MEF2C: variants seen among roughly 807,000 people sequenced by gnomAD.
The protein encoded by MEF2C is myocyte enhancer factor 2C, also known as myocyte-specific enhancer factor 2C.
Under a neutral mutation model 50.5 loss-of-function variants are expected in MEF2C, and 6 were observed. The observed-to-expected ratio is 0.12, with a 90% CI of 0.07 to 0.23. MEF2C has a LOEUF of 0.23. Among genes scored for constraint, MEF2C ranks in the 10% least tolerant of loss-of-function variants. MEF2C has a pLI of 1.00. For synonymous variants in MEF2C, 183 were observed against 228.0 expected, an observed-to-expected ratio of 0.80 and a Z score of 1.78; for missense variants, 276 against 605.0, an observed-to-expected ratio of 0.46 and a Z score of 5.70.
chr5:88,885,368 C>G (rs183850626), upstream of MEF2C, among the ~76,000 whole-genome samples: 58 of 152,332 alleles, frequency 3.8e-4, no homozygotes, highest in East Asian at 7.5e-3. Flanking sequence ...TCTTCAAGTT[C>G]CAGCTCATCA....
intron 1 of MEF2C, among the ~76,000 whole-genome samples, chr5:88,834,831 T>C (rs1226349836): frequency 6.6e-6 from 1 of 152,142 alleles, no homozygotes; most frequent in Non-Finnish European, 1.5e-5. Context: ...AGTAACAACA[T>C]ACACATTCTA....
intron 3 of MEF2C, among the ~76,000 whole-genome samples, chr5:88,790,141 G>A (rs1326981750): frequency 6.6e-6 from 1 of 152,134 alleles, no homozygotes; most frequent in Non-Finnish European, 1.5e-5. Context: ...GGGTAGTGAT[G>A]TGCCTTTTAT....
At chr5:88,745,770 G>A (rs1485421015) in intron 6 of MEF2C, among the ~76,000 whole-genome samples, 3 of 152,212 alleles carry the variant, frequency 2.0e-5, no homozygotes, top group Non-Finnish European at 4.4e-5. Flanking sequence ...AGCCTAGATC[G>A]TGCCACTGCA....
At chr5:88,887,009 A>G (rs1834103449), upstream of MEF2C, among the ~76,000 whole-genome samples, 2 of 152,198 alleles carry the variant, frequency 1.3e-5, no homozygotes, top group African/African-American at 4.8e-5. Context: ...GTGAGCTTTA[A>G]AAATTATTTT....
chr5:88,788,131 C>T (rs941105335), intron 3 of MEF2C, among the ~76,000 whole-genome samples: 1 of 152,050 alleles, frequency 6.6e-6, no homozygotes, highest in Non-Finnish European at 1.5e-5. Context: ...GTTTACATAT[C>T]CTTTATTGGG....
At chr5:88,886,988 T>C (rs1235107448), upstream of MEF2C, among the ~76,000 whole-genome samples, 2 of 152,226 alleles carry the variant, frequency 1.3e-5, no homozygotes, top group African/African-American at 4.8e-5. Context: ...ACGCTGGGTG[T>C]AGCTCTTGAA....
At chr5:88,757,175 G>A (rs1775745471) in intron 4 of MEF2C, among the ~76,000 whole-genome samples, 1 of 152,058 alleles carries the variant, frequency 6.6e-6, no homozygotes, top group African/African-American at 2.4e-5. Context: ...TTACTGTAGT[G>A]AGTCATAATC....
At chr5:88,886,085 A>G (rs936319057), upstream of MEF2C, among the ~76,000 whole-genome samples, 3 of 152,214 alleles carry the variant, frequency 2.0e-5, no homozygotes, top group Admixed American at 2.0e-4. Context: ...GCCTTTTAAA[A>G]TACAGGATTT....
chr5:88,853,408 A>G (rs1373567270), intron 1 of MEF2C, among the ~76,000 whole-genome samples: 1 of 152,208 alleles, frequency 6.6e-6, no homozygotes, highest in African/African-American at 2.4e-5. Flanking sequence ...TTAAGAAGAA[A>G]CGTTCTGTTA....
intron 3 of MEF2C, among the ~76,000 whole-genome samples, chr5:88,781,328 A>G (rs1787904502): frequency 6.6e-6 from 1 of 152,246 alleles, no homozygotes; most frequent in Admixed American, 6.5e-5. Context: ...GAACAGCAGG[A>G]AAATAAATAC....
chr5:88,867,226 T>G (rs545873719), intron 1 of MEF2C, among the ~76,000 whole-genome samples: 1 of 152,318 alleles, frequency 6.6e-6, no homozygotes, highest in African/African-American at 2.4e-5. Flanking sequence ...TTAGTTATAT[T>G]GTCATTCCAA....
chr5:88,762,751 T>C (rs1393460962), intron 3 of MEF2C, among the ~76,000 whole-genome samples: 2 of 152,176 alleles, frequency 1.3e-5, no homozygotes, highest in Non-Finnish European at 2.9e-5. Context: ...AGATCCGTTA[T>C]AAAGAGATGC....
chr5:88,899,160 A>C (rs555467896), intron 1 of MEF2C, among the ~76,000 whole-genome samples: 12 of 152,144 alleles, frequency 7.9e-5, no homozygotes, highest in Non-Finnish European at 1.8e-4. Flanking sequence ...GACTTTTTGT[A>C]TTATGTTACT....
intron 1 of MEF2C, among the ~76,000 whole-genome samples, chr5:88,851,048 C>T (rs552839404): frequency 1.3e-5 from 2 of 151,904 alleles, no homozygotes; most frequent in African/African-American, 2.4e-5. Flanking sequence ...TCCTGTCCAA[C>T]GTGGTGAAAC....
chr5:88,765,997 G>C (rs1372969124), intron 3 of MEF2C, among the ~76,000 whole-genome samples: 1 of 152,186 alleles, frequency 6.6e-6, no homozygotes, highest in African/African-American at 2.4e-5. Flanking sequence ...TGTGAGCTGA[G>C]AACAGCCGTT....
intron 6 of MEF2C, chr5:88,748,846 T>C (rs1771230851): frequency 1.0e-6 from 1 of 985,402 alleles, no homozygotes; most frequent in Non-Finnish European, 1.2e-6. Context: ...TGCTGACCAG[T>C]TGAAGCTTTA....
intron 6 of MEF2C, chr5:88,737,197 C>G (rs895915652): frequency 1.0e-6 from 1 of 985,124 alleles, no homozygotes; most frequent in Non-Finnish European, 1.2e-6. Flanking sequence ...AGGGTCTCTT[C>G]TCTTTATGCT....
At chr5:88,801,815 T>C (rs1045338264) in intron 3 of MEF2C, among the ~76,000 whole-genome samples, 1 of 152,078 alleles carries the variant, frequency 6.6e-6, no homozygotes, top group African/African-American at 2.4e-5. Flanking sequence ...AAATGCAACT[T>C]CCAATCCAGA....
intron 1 of MEF2C, among the ~76,000 whole-genome samples, chr5:88,862,560 C>T (rs1032712447): frequency 8.6e-5 from 13 of 151,896 alleles, no homozygotes; most frequent in African/African-American, 3.1e-4. Context: ...AAAAAAAACC[C>T]GAGAAATAAC....
Sources: gnomAD v4.1 joint callset for allele counts (sites outside exome capture counted in the v4.1 genomes callset) on GRCh38, gnomAD v4.1.1 for gene constraint, MANE v1.5 for transcripts, NCBI Gene and HGNC (gene_info 2026-07-23, HGNC 2026-07-21) for gene names.